XG: variants seen among roughly 807,000 people sequenced by gnomAD.
XG encodes the protein Xg glycoprotein (Xg blood group), also known as glycoprotein Xg.
A neutral mutation model predicts 25.7 loss-of-function variants in XG; 24 were observed. The ratio of observed to expected loss-of-function variants is 0.93; its 90% CI spans 0.68 to 1.31. The LOEUF is 1.31. XG is among the 40% of genes most tolerant of loss of function. The pLI, the probability that XG is intolerant of heterozygous loss-of-function variation, is 0.00. For synonymous variants in XG, 77 were observed against 69.2 expected (o/e 1.11, Z -0.56); for missense variants, 181 against 187.6 (o/e 0.96, Z 0.21).
chrX:2,782,177 T>C (rs1376359943), intron 4 of XG, 49 bp downstream of exon 4: 8 of 1,180,104 alleles, frequency 6.8e-6, no homozygotes, highest in Non-Finnish European at 9.2e-6. Context: ...TTTGATGATG[T>C]TTGCCTTTTT....
At chrX:2,770,034 G>C (rs908917367) in intron 1 of XG, among the ~76,000 whole-genome samples, 2 of 118,824 alleles carry the variant, frequency 1.7e-5, no homozygotes, top group Admixed American at 8.7e-5. Context: ...TGGGGGGGGC[G>C]TTGGGGGGCG....
chrX:2,754,670 A>G (rs1163934894), intron 1 of XG, among the ~76,000 whole-genome samples: 1 of 152,206 alleles, frequency 6.6e-6, no homozygotes, highest in Non-Finnish European at 1.5e-5. Context: ...TCCAGGTTCC[A>G]AAACTGAAGA....
chrX:2,790,900 A>G (rs1349058539), intron 5 of XG, among the ~76,000 whole-genome samples: 3 of 112,056 alleles, frequency 2.7e-5, no homozygotes, highest in Non-Finnish European at 3.8e-5. Flanking sequence ...ATGCACAGAC[A>G]TTGTTTTGCG....
At chrX:2,759,999 G>A (rs2050528147) in intron 1 of XG, among the ~76,000 whole-genome samples, 1 of 152,170 alleles carries the variant, frequency 6.6e-6, no homozygotes, top group Non-Finnish European at 1.5e-5. Context: ...CTGGATTCTG[G>A]TCTGATCCAG....
chrX:2,763,279 G>T (rs1366429370), intron 1 of XG, among the ~76,000 whole-genome samples: 3 of 152,110 alleles, frequency 2.0e-5, no homozygotes, highest in Non-Finnish European at 4.4e-5. Context: ...CTCCCAAAGT[G>T]CTGGGATTGC....
intron 3 of XG, among the ~76,000 whole-genome samples, chrX:2,775,422 A>C (rs188738271): frequency 2.0e-5 from 3 of 152,310 alleles, no homozygotes; most frequent in African/African-American, 7.2e-5. Context: ...AATTTCAAGA[A>C]TAGGTGAATC....
intron 7 of XG, 23 bp downstream of exon 7, chrX:2,797,383 G>T: frequency 2.5e-6 from 3 of 1,198,094 alleles, no homozygotes; most frequent in Non-Finnish European, 3.4e-6. Context: ...CTGGGCATGC[G>T]ATGGTGGGTG....
At chrX:2,802,257 C>T (rs1203034708) in intron 7 of XG, among the ~76,000 whole-genome samples, 4 of 109,888 alleles carry the variant, frequency 3.6e-5, no homozygotes, top group African/African-American at 1.0e-4. Context: ...TGGGCTCAAG[C>T]GATCCTCCCG....
intron 6 of XG, 26 bp downstream of exon 6, chrX:2,794,629 G>A (rs755601918): frequency 1.7e-5 from 20 of 1,203,577 alleles, no homozygotes; most frequent in Middle Eastern, 2.3e-4. Context: ...CCCCAGATGC[G>A]ACACATTGAA....
chrX:2,790,894 A>G (rs777017788), intron 5 of XG, among the ~76,000 whole-genome samples: 88 of 112,293 alleles, frequency 7.8e-4, no homozygotes, highest in Non-Finnish European at 1.3e-3. Context: ...TTTGAAATGC[A>G]CAGACATTGT....
At chrX:2,760,327 T>C (rs186504230) in intron 1 of XG, among the ~76,000 whole-genome samples, 3 of 152,208 alleles carry the variant, frequency 2.0e-5, no homozygotes, top group Admixed American at 2.0e-4. Context: ...TAATTGACCA[T>C]GTTCCATGGT....
chrX:2,762,861 G>T (rs1441387828), intron 1 of XG, among the ~76,000 whole-genome samples: 3 of 152,118 alleles, frequency 2.0e-5, no homozygotes. Flanking sequence ...TGGAAATAAA[G>T]GAAAACCTTG....
chrX:2,756,414 T>C (rs1293978073), intron 1 of XG, among the ~76,000 whole-genome samples: 5 of 152,194 alleles, frequency 3.3e-5, no homozygotes, highest in African/African-American at 7.2e-5. Context: ...TAGTTTACAA[T>C]AATCTATTGT....
chrX:2,777,057 A>G (rs192941841), intron 3 of XG, among the ~76,000 whole-genome samples: 33 of 152,354 alleles, frequency 2.2e-4, no homozygotes, highest in African/African-American at 6.7e-4. Flanking sequence ...AATTTTGCTG[A>G]AAAATCTTCC....
At chrX:2,810,597 C>T (rs1050449465) in intron 9 of XG, among the ~76,000 whole-genome samples, 21 of 111,054 alleles carry the variant, frequency 1.9e-4, no homozygotes, top group African/African-American at 6.5e-4. Flanking sequence ...CGAGCTTAGG[C>T]GGCATAGTGA....
chrX:2,811,334 A>G lies in XG; in HGVS notation c.455-2A>G. 1 of 1,200,240 alleles carries G rather than the reference A, an allele frequency of 8.3e-7. No homozygotes were observed. Among genetic ancestry groups the G allele is most frequent in the Non-Finnish European group, 1.1e-6 (1 of 888,075 alleles). On this transcript the variant is annotated splice_acceptor_variant, in intron 9 of 10. Coordinates refer to ENST00000644266, the MANE Select transcript of XG (RefSeq NM_001141919.2). LOFTEE classifies it high-confidence loss of function. ...GAGCTTGCTTTTTCTCCACTCCTGC[A>G]GGCAATATGGTAGCAAAAATCGTGT...
At chrX:2,774,839 G>T in intron 3 of XG, 100 bp downstream of exon 3, 2 of 1,461,812 alleles carry the variant, frequency 1.4e-6, no homozygotes, top group South Asian at 2.3e-5. Flanking sequence ...TGGGGTATAT[G>T]AAAGAGATGC....
At position 2,786,260 on chromosome X, in the gene XG, C is replaced by CTTTT. The variant is rs1179667048; in HGVS notation, c.191-3370_191-3367dup. On this transcript the variant is annotated intron_variant, in intron 4 of 10. Coordinates refer to ENST00000644266, the MANE Select transcript of XG (RefSeq NM_001141919.2). ...CCCCAGCAGCTCCTATCCATGTTGT[C>CTTTT]TTTTTTTTTTTTTTTTTCAGACAGA... is the stretch of plus-strand genomic sequence containing the variant. 5.0e-4 allele frequency among the ~76,000 whole-genome samples: 30 copies of CTTTT among 60,569 alleles called. 2 individuals are homozygous for CTTTT. The highest frequency in any genetic ancestry group is 2.0e-3 in the African/African-American group (28 of 14,219). The allele number at this position is 60,569 out of a possible 115,157, so 52.6% of individuals were successfully genotyped here.
At chrX:2,770,030 G>C (rs2050781226) in intron 1 of XG, among the ~76,000 whole-genome samples, 3 of 142,294 alleles carry the variant, frequency 2.1e-5, no homozygotes, top group Non-Finnish European at 4.6e-5. Context: ...GGGGTGGGGG[G>C]GGCGTTGGGG....
Sources: gnomAD v4.1 joint callset for allele counts (sites outside exome capture counted in the v4.1 genomes callset) on GRCh38, gnomAD v4.1.1 for gene constraint, MANE v1.5 for transcripts, NCBI Gene and HGNC (gene_info 2026-07-23, HGNC 2026-07-21) for gene names.